Variants in CFAP20DC observed in about 807,000 individuals in gnomAD.
CFAP20DC encodes CFAP20 domain containing, also known as protein CFAP20DC.
CFAP20DC carries 84 observed loss-of-function variants against 101.7 expected under a neutral mutation model. The observed-to-expected ratio is 0.83, with a 90% CI of 0.69 to 0.99. The LOEUF (loss-of-function observed/expected upper bound fraction) is 0.99. Ranked by LOEUF, CFAP20DC falls within the 50% of genes least tolerant of loss-of-function variation. CFAP20DC has a pLI of 0.00. For missense variants in CFAP20DC, 1,007 were observed against 970.3 expected (o/e 1.04, Z -0.50); for synonymous variants, 359 against 351.2 (o/e 1.02, Z -0.25).
chr3:58,803,206 G>C (rs2073833021), intron 15 of CFAP20DC, among the ~76,000 whole-genome samples: 1 of 152,160 alleles, frequency 6.6e-6, no homozygotes, highest in Non-Finnish European at 1.5e-5. Flanking sequence ...CCTCTCTGTG[G>C]AAGTGCTTGT....
chr3:58,763,183 C>T (rs577602715), intron 15 of CFAP20DC, among the ~76,000 whole-genome samples: 7 of 152,310 alleles, frequency 4.6e-5, no homozygotes, highest in Admixed American at 2.6e-4. Flanking sequence ...ACCAATCAGA[C>T]GTAGATTTGG....
chr3:58,746,466 T>C (rs1432793716), intron 16 of CFAP20DC, among the ~76,000 whole-genome samples: 1 of 152,158 alleles, frequency 6.6e-6, no homozygotes, highest in Non-Finnish European at 1.5e-5. Context: ...AAACAAAATA[T>C]ATTTACAACC....
At chr3:59,042,910 A>C (rs893480117) in intron 3 of CFAP20DC, among the ~76,000 whole-genome samples, 4 of 152,202 alleles carry the variant, frequency 2.6e-5, no homozygotes, top group Non-Finnish European at 5.9e-5. Flanking sequence ...AAGAGAAAGA[A>C]AAATCAAAGC....
intron 6 of CFAP20DC, among the ~76,000 whole-genome samples, chr3:58,907,356 T>A (rs138454682): frequency 5.3e-5 from 8 of 152,178 alleles, no homozygotes; most frequent in Non-Finnish European, 8.8e-5. Context: ...AGTAAGCTCA[T>A]TAGTGAAGTT....
intron 15 of CFAP20DC, among the ~76,000 whole-genome samples, chr3:58,774,062 T>TA (rs1446103984): frequency 1.3e-5 from 2 of 151,940 alleles, no homozygotes; most frequent in African/African-American, 4.9e-5. Flanking sequence ...GTGACTCACT[T>TA]ATCTTTTACC....
At chr3:58,895,264 T>G (rs2082575572) in intron 6 of CFAP20DC, among the ~76,000 whole-genome samples, 2 of 152,228 alleles carry the variant, frequency 1.3e-5, no homozygotes, top group South Asian at 4.1e-4. Context: ...AGGCTGCAAC[T>G]TTTCAGAACT....
At chr3:58,824,590 T>G (rs924465163) in intron 14 of CFAP20DC, 1 of 152,112 alleles carries the variant, frequency 6.6e-6, no homozygotes, top group Non-Finnish European at 1.5e-5. Flanking sequence ...AGATAATATT[T>G]TTATGTTGTT....
chr3:58,907,887 G>A (rs1466231884), intron 6 of CFAP20DC, among the ~76,000 whole-genome samples: 3 of 152,198 alleles, frequency 2.0e-5, no homozygotes, highest in African/African-American at 7.2e-5. Context: ...TTGAACCATA[G>A]TGTGCTTCCC....
chr3:58,901,000 C>T (rs944891345), intron 6 of CFAP20DC, among the ~76,000 whole-genome samples: 3 of 152,116 alleles, frequency 2.0e-5, no homozygotes, highest in Non-Finnish European at 2.9e-5. Context: ...ATTTATAGAT[C>T]GGTTTTGGTA....
chr3:58,834,975 G>T (rs1292369359), intron 13 of CFAP20DC, among the ~76,000 whole-genome samples: 1 of 152,064 alleles, frequency 6.6e-6, no homozygotes, highest in Non-Finnish European at 1.5e-5. Context: ...TCCTGAATCT[G>T]AATGGGTTGT....
intron 14 of CFAP20DC, among the ~76,000 whole-genome samples, chr3:58,821,290 A>ATC (rs2075622706): frequency 1.3e-5 from 2 of 152,240 alleles, no homozygotes; most frequent in Non-Finnish European, 2.9e-5. Context: ...CAAAATTGAC[A>ATC]AATGGGATCT....
chr3:58,953,276 T>C (rs1325736398), intron 4 of CFAP20DC, among the ~76,000 whole-genome samples: 1 of 152,154 alleles, frequency 6.6e-6, no homozygotes, highest in Non-Finnish European at 1.5e-5. Context: ...ATCCAACACA[T>C]TTATTAAGAG....
intron 15 of CFAP20DC, among the ~76,000 whole-genome samples, chr3:58,776,630 T>C (rs2071361569): frequency 6.6e-6 from 1 of 150,552 alleles, no homozygotes; most frequent in African/African-American, 2.5e-5. Flanking sequence ...CTTTGAGAAC[T>C]ACTCATTTCC....
chr3:58,878,865 G>A (rs1205228338), intron 7 of CFAP20DC, among the ~76,000 whole-genome samples: 7 of 152,054 alleles, frequency 4.6e-5, no homozygotes, highest in Admixed American at 3.3e-4. Context: ...AAAATTAGCC[G>A]GGCGTGGTGG....
At chr3:58,946,901 T>C (rs561740119) in intron 4 of CFAP20DC, among the ~76,000 whole-genome samples, 21 of 152,224 alleles carry the variant, frequency 1.4e-4, no homozygotes, top group Non-Finnish European at 2.6e-4. Context: ...CATACCATTT[T>C]ACCTGTGTTA....
intron 14 of CFAP20DC, among the ~76,000 whole-genome samples, chr3:58,831,453 T>C (rs976621766): frequency 1.3e-5 from 2 of 152,266 alleles, no homozygotes; most frequent in Non-Finnish European, 2.9e-5. Context: ...ATGTGTGATT[T>C]GATATATCAT....
intron 4 of CFAP20DC, among the ~76,000 whole-genome samples, chr3:58,966,816 C>CA (rs1353444949): frequency 6.6e-6 from 1 of 151,864 alleles, no homozygotes; most frequent in Non-Finnish European, 1.5e-5. Context: ...TGAGCCATCG[C>CA]AACTGGCTGA....
rs2067469189 is a variant in CFAP20DC, at chr3:58,721,266, A to T, written c.198-3638T>A. Among the ~76,000 whole-genome samples, 4 of 152,184 alleles carry T rather than the reference A, an allele frequency of 2.6e-5. No individual in the cohort carries two copies. The highest frequency in any genetic ancestry group is 2.1e-4 in the South Asian group (1 of 4,830). ...TTCCAACACGTTTATTAAACACCTT[A>T]TCTGGGCCAGGGATTGTGTACTTCT... On this transcript the variant is annotated intron_variant, in intron 3 of 3. Coordinates refer to the CFAP20DC transcript ENST00000486145. This position sits in a 1 kb window ranked among gnomAD's most constrained non-coding sequence, Gnocchi z 5.2.
intron 4 of CFAP20DC, among the ~76,000 whole-genome samples, chr3:58,998,617 TGGA>T (rs201471279): frequency 0.018 from 2,720 of 152,274 alleles, 67 homozygotes; most frequent in African/African-American, 0.061. Flanking sequence ...CCTATCTTTG[TGGA>T]GGAGGATATA....
Sources: gnomAD v4.1 joint callset for allele counts (sites outside exome capture counted in the v4.1 genomes callset) on GRCh38, gnomAD v4.1.1 for gene constraint, Gnocchi (gnomAD v3.1) non-coding constraint, MANE v1.5 for transcripts, NCBI Gene and HGNC (gene_info 2026-07-23, HGNC 2026-07-21) for gene names.